The following GALNT17 variants were observed in gnomAD, a reference collection of about 807,000 sequenced individuals.
GALNT17 encodes the protein UDP-GalNAc:polypeptide N-acetylgalactosaminyltransferase-like 3.
Under a neutral mutation model 63.7 loss-of-function variants are expected in GALNT17, and 29 were observed. The observed-to-expected ratio is 0.46, with a 90% CI of 0.34 to 0.62. The LOEUF (loss-of-function observed/expected upper bound fraction) is 0.62, where lower values mean the gene tolerates loss of function less well. Among genes scored for constraint, GALNT17 ranks in the 20% least tolerant of loss-of-function variants. The pLI is 0.01. For synonymous variants in GALNT17, 305 were observed against 318.3 expected, an observed-to-expected ratio of 0.96 and a Z score of 0.45; for missense variants, 603 against 799.6, an observed-to-expected ratio of 0.75 and a Z score of 2.97.
intron 5 of GALNT17, among the ~76,000 whole-genome samples, chr7:71,524,240 TA>T (rs1215193563): frequency 6.8e-6 from 1 of 147,262 alleles, no homozygotes; most frequent in African/African-American, 2.5e-5. Flanking sequence ...ATTATATATA[TA>T]ATAATAATAT....
intron 5 of GALNT17, among the ~76,000 whole-genome samples, chr7:71,511,637 G>A (rs1788358066): frequency 6.6e-6 from 1 of 152,092 alleles, no homozygotes; most frequent in Non-Finnish European, 1.5e-5. Flanking sequence ...ATCACTTTAT[G>A]CAAATTAGGC....
intron 1 of GALNT17, among the ~76,000 whole-genome samples, chr7:71,311,682 C>T (rs545187935): frequency 2.0e-5 from 3 of 152,176 alleles, no homozygotes; most frequent in Admixed American, 1.3e-4. Context: ...GGAGAGCCTT[C>T]CCTTGATTTG....
At chr7:71,401,854 GTAA>G (rs1424476696) in intron 3 of GALNT17, among the ~76,000 whole-genome samples, 1 of 152,188 alleles carries the variant, frequency 6.6e-6, no homozygotes. Context: ...GTATTACAAT[GTAA>G]TAATAATAGA....
Position 71,226,083 on chromosome 7 carries a change from G to A in GALNT17, c.238+93043G>A, listed in dbSNP as rs547089395. ...TGTTTTTCTAGATCAAAGCTATATGGTTTATGAGCAATATATTAATAAAGA... is the reference window on the plus strand; with the variant it reads ...TGTTTTTCTAGATCAAAGCTATATGATTTATGAGCAATATATTAATAAAGA... On this transcript the variant is annotated intron_variant, in intron 1 of 10. Transcript: ENST00000333538. Among the ~76,000 whole-genome samples, 4 of 152,206 alleles carry A rather than the reference G, an allele frequency of 2.6e-5. No individual in the cohort carries two copies. The East Asian group carries it at 7.7e-4, about 29-fold the overall frequency.
rs1025892310 is a variant in GALNT17, at chr7:71,328,750, C to T, written c.239-6800C>T. On this transcript the variant is annotated intron_variant, in intron 1 of 10. Coordinates refer to ENST00000333538, the MANE Select transcript of GALNT17 (RefSeq NM_022479.3). ...CAAAAAATATGTAATTCACAGGTGT[C>T]ACATCGCACTGTGAGGAATGATCTT... Among the ~76,000 whole-genome samples, 5 of 150,808 alleles carry T rather than the reference C, an allele frequency of 3.3e-5. 1 individual carries two copies. Among genetic ancestry groups the T allele is most frequent in the South Asian group, 4.2e-4 (2 of 4,780 alleles).
At chr7:71,272,530 G>A (rs564200095) in intron 1 of GALNT17, among the ~76,000 whole-genome samples, 4 of 152,254 alleles carry the variant, frequency 2.6e-5, no homozygotes, top group African/African-American at 9.6e-5. Context: ...TCTAGTAGGT[G>A]TGTAGATGTC....
At chr7:71,221,085 T>C (rs1789574352) in intron 1 of GALNT17, among the ~76,000 whole-genome samples, 2 of 152,088 alleles carry the variant, frequency 1.3e-5, no homozygotes, top group Admixed American at 1.3e-4. Context: ...GGATCTAGAC[T>C]TTCATGGAAC....
At chr7:71,467,680 C>A (rs984188792) in intron 5 of GALNT17, among the ~76,000 whole-genome samples, 1 of 151,948 alleles carries the variant, frequency 6.6e-6, no homozygotes, top group Non-Finnish European at 1.5e-5. Flanking sequence ...CTACCAGCTT[C>A]GTCCCAGAAG....
At chr7:71,520,895 G>A (rs770232999) in intron 5 of GALNT17, among the ~76,000 whole-genome samples, 7 of 152,120 alleles carry the variant, frequency 4.6e-5, no homozygotes, top group Middle Eastern at 3.2e-3. Context: ...GCTAAACTTG[G>A]CTTGAGTTTT....
intron 1 of GALNT17, among the ~76,000 whole-genome samples, chr7:71,254,577 T>C (rs1790256629): frequency 6.6e-6 from 1 of 152,178 alleles, no homozygotes. Flanking sequence ...GCTGGTCACC[T>C]GTGCCTTCCC....
At chr7:71,202,976 A>G (rs1391841165) in intron 1 of GALNT17, among the ~76,000 whole-genome samples, 1 of 152,170 alleles carries the variant, frequency 6.6e-6, no homozygotes, top group Non-Finnish European at 1.5e-5. Context: ...AATAGTGGGT[A>G]TATGTATACA....
chr7:71,144,349 T>A (rs1787975173), intron 1 of GALNT17, among the ~76,000 whole-genome samples: 1 of 152,120 alleles, frequency 6.6e-6, no homozygotes, highest in South Asian at 2.1e-4. Flanking sequence ...CAGGCGTTGG[T>A]GCCATAGGAT....
At chr7:71,445,183 T>TC (rs1467965312) in intron 5 of GALNT17, among the ~76,000 whole-genome samples, 3 of 145,614 alleles carry the variant, frequency 2.1e-5, no homozygotes, top group Non-Finnish European at 3.0e-5. Flanking sequence ...TTCTTTCTTT[T>TC]TTTTTTTTTT....
intron 1 of GALNT17, among the ~76,000 whole-genome samples, chr7:71,310,988 C>G (rs1177910253): frequency 6.6e-6 from 1 of 152,184 alleles, no homozygotes; most frequent in East Asian, 1.9e-4. Flanking sequence ...GAGCAGCTCG[C>G]CGCTGATGAG....
intron 6 of GALNT17, among the ~76,000 whole-genome samples, chr7:71,602,250 A>T (rs879409772): frequency 2.6e-5 from 4 of 152,310 alleles, no homozygotes; most frequent in Non-Finnish European, 5.9e-5. Flanking sequence ...ATTTTATGCC[A>T]TCTTTTGACA....
intron 6 of GALNT17, among the ~76,000 whole-genome samples, chr7:71,585,344 A>G (rs568706001): frequency 3.9e-5 from 6 of 152,304 alleles, no homozygotes; most frequent in East Asian, 3.9e-4. Context: ...GCAGCTACCA[A>G]TGATCACTGC....
At position 71,712,281 on chromosome 7, in the gene GALNT17, G is replaced by A. The variant is rs1005882010; in HGVS notation, c.*135G>A. On this transcript the variant is annotated 3_prime_UTR_variant, in exon 11 of 11. Coordinates refer to ENST00000333538, the MANE Select transcript of GALNT17 (RefSeq NM_022479.3). The stretch of plus-strand genomic sequence containing the variant: ...ATGGGCCCCCCAGGGCTTCTCCAGG[G>A]CAGCACAGGGACCCCGGATGAAGAC... The A allele has an allele frequency of 2.7e-5, 34 of 1,237,828 alleles. No individual in the cohort carries two copies. The Admixed American group carries it at 8.6e-4, about 31-fold the overall frequency. The allele number at this position is 1,237,828 out of a possible 1,614,324, so 76.7% of individuals were successfully genotyped here. A position where few individuals can be genotyped will look rare whatever the true frequency, so the allele number is the denominator to read the frequency against.
chr7:71,388,850 T>C (rs1284953007), intron 3 of GALNT17, among the ~76,000 whole-genome samples: 1 of 151,954 alleles, frequency 6.6e-6, no homozygotes, highest in Non-Finnish European at 1.5e-5. Context: ...GAGGAAGATA[T>C]CTAGGCTTAC....
chr7:71,663,550 T>C (rs650831), intron 6 of GALNT17, among the ~76,000 whole-genome samples: 6 of 151,982 alleles, frequency 3.9e-5, no homozygotes, highest in African/African-American at 1.4e-4. Flanking sequence ...CTAGCTGTCC[T>C]GTCCCAGATC....
Sources: allele counts gnomAD v4.1 joint callset (sites outside exome capture counted in the v4.1 genomes callset), GRCh38; gene constraint gnomAD v4.1.1; transcripts MANE v1.5; gene names NCBI Gene and HGNC (gene_info 2026-07-23, HGNC 2026-07-21).